ARHGEF10: variants seen among roughly 807,000 people sequenced by gnomAD.
ARHGEF10 encodes the protein Rho guanine nucleotide exchange factor 10.
In ARHGEF10, 140 loss-of-function variants were observed where a neutral mutation model predicts 147.4. That is an observed-to-expected ratio of 0.95 (90% CI 0.83 to 1.09). The LOEUF is 1.09. ARHGEF10 is among the 50% of genes least tolerant of loss of function. The pLI is 0.00. For missense variants in ARHGEF10, 2,222 were observed against 1,752.7 expected, an observed-to-expected ratio of 1.27 and a Z score of -4.78; for synonymous variants, 902 against 695.8, an observed-to-expected ratio of 1.30 and a Z score of -4.67.
rs3779693 is a variant in ARHGEF10, at chr8:1,877,163, G to A, written c.843+429G>A. Among the ~76,000 whole-genome samples, 802 of 152,326 alleles carry A rather than the reference G, an allele frequency of 5.3e-3. 47 individuals carry two copies. In the East Asian group the frequency reaches 0.12, roughly 24 times the overall value. ...TTAGCATGTTCAGCATGAAAAGGAAGACGTAAAAATAGAAGATGTTAAGGG... is the reference window on the plus strand; with the variant it reads ...TTAGCATGTTCAGCATGAAAAGGAAAACGTAAAAATAGAAGATGTTAAGGG... On this transcript the variant is annotated intron_variant, in intron 8 of 28. Transcript: ENST00000349830.
At position 1,903,296 on chromosome 8, in the gene ARHGEF10, A is replaced by C; in HGVS notation, c.1666A>C (p.Thr556Pro). The C allele has an allele frequency of 6.2e-7, 1 of 1,614,016 alleles. No homozygotes were observed. The highest frequency in any genetic ancestry group is 8.5e-7 in the Non-Finnish European group (1 of 1,180,020). The change falls in exon 16 of 29, where the codon ACC becomes CCC. Residue 556 changes from threonine to proline, a missense_variant. By Grantham distance (38) the Thr-to-Pro change is conservative. Transcript: ENST00000349830. ...ILLLQDMLKN[T>P]SKGHPDRLPL... ...TTGCTTGTAGGACATGCTGAAGAACACCTCCAAAGGCCACCCCGACAGGCT... is the reference window on the plus strand; with the variant it reads ...TTGCTTGTAGGACATGCTGAAGAACCCCTCCAAAGGCCACCCCGACAGGCT...
At chr8:1,945,910 G>GAGCCGCGTGCTGGGAGA (rs1440477453) in intron 27 of ARHGEF10, 1 of 616,330 alleles carries the variant, frequency 1.6e-6, no homozygotes, top group Non-Finnish European at 2.9e-6. Flanking sequence ...GTGCTGGGAG[G>GAGCCGCGTGCTGGGAGA]AGCCGCGTGG....
chr8:1,942,714 C>A (rs878896641), intron 26 of ARHGEF10, among the ~76,000 whole-genome samples: 1 of 152,146 alleles, frequency 6.6e-6, no homozygotes, highest in Non-Finnish European at 1.5e-5. Context: ...AATGGACAAA[C>A]AGAATGTGGT....
chr8:1,839,756 G>C (rs1269138686), intron 1 of ARHGEF10, among the ~76,000 whole-genome samples: 1 of 148,390 alleles, frequency 6.7e-6, no homozygotes, highest in African/African-American at 2.5e-5. Flanking sequence ...TGTGGAAGCT[G>C]TCTGGTGTGG....
chr8:1,956,626 A>T (rs1261081388), intron 28 of ARHGEF10, 123 bp from the exon 29 acceptor site: 1 of 971,560 alleles, frequency 1.0e-6, no homozygotes, highest in Non-Finnish European at 1.6e-6. Context: ...TATGCAAGTT[A>T]CTTACAGGCT....
At chr8:1,940,961 G>A (rs1463972499) in intron 26 of ARHGEF10, among the ~76,000 whole-genome samples, 2 of 152,180 alleles carry the variant, frequency 1.3e-5, no homozygotes, top group African/African-American at 2.4e-5. Context: ...AGACTAGAAG[G>A]TGATTTTTCC....
chr8:1,871,652 T>C lies in ARHGEF10; in HGVS notation c.679+2402T>C, dbSNP rs145474735. 5.9e-3 allele frequency among the ~76,000 whole-genome samples: 898 copies of C among 152,248 alleles called. 60 individuals are homozygous for C. In the East Asian group the frequency reaches 0.14, roughly 24 times the overall value. On this transcript the variant is annotated intron_variant, in intron 7 of 28. Coordinates refer to ENST00000349830, the MANE Select transcript of ARHGEF10 (RefSeq NM_014629.4). The stretch of plus-strand genomic sequence containing the variant: ...GGCCAAGATGGTGAAACCCCATCTC[T>C]ACTAAAAGTACAAAAATTAGCCGGG...
At chr8:1,945,407 C>T (rs985839582) in intron 26 of ARHGEF10, 74 bp from the exon 27 acceptor site, 216 of 1,529,230 alleles carry the variant, frequency 1.4e-4, no homozygotes, top group Non-Finnish European at 1.7e-4. Flanking sequence ...TCCAGCTGGA[C>T]GCCACGTGGA....
chr8:1,859,590 T>C (rs7007884), intron 3 of ARHGEF10, among the ~76,000 whole-genome samples: 44,957 of 152,100 alleles, frequency 0.3, 6,811 homozygotes, highest in South Asian at 0.44. Context: ...TTTCTTTGTG[T>C]GTAGCACCAG....
In ARHGEF10 at chr8:1,916,495, C is replaced by T. The variant is rs117171866; in HGVS notation, c.2144-6469C>T. Among the ~76,000 whole-genome samples, 938 of 152,238 alleles carry T rather than the reference C, an allele frequency of 6.2e-3. 4 individuals carry two copies. Among genetic ancestry groups the T allele is most frequent in the Middle Eastern group, 0.024 (7 of 294 alleles). On this transcript the variant is annotated intron_variant, in intron 18 of 28. Coordinates refer to ENST00000349830, the MANE Select transcript of ARHGEF10 (RefSeq NM_014629.4). ...TAAAAACCAAACTGGATTTTAGTCA[C>T]GGGGGAGAATTCTTATTGTTCTTCT...
At chr8:1,898,578 T>G in intron 15 of ARHGEF10, 53 bp downstream of exon 15, 3 of 1,559,602 alleles carry the variant, frequency 1.9e-6, no homozygotes, top group Non-Finnish European at 2.6e-6. Flanking sequence ...CGCCCATGAC[T>G]CATTTGAAAA....
At position 1,923,858 on chromosome 8, in the gene ARHGEF10, G is replaced by T; in HGVS notation, c.2472G>T (p.Met824Ile). 1 of 1,614,144 alleles carries T rather than the reference G, an allele frequency of 6.2e-7. No homozygotes were observed. The change falls in exon 21 of 29, where the codon ATG becomes ATT. Residue 824 changes from methionine (M) to isoleucine (I), a missense_variant. Transcript: ENST00000349830. ...AGTCCTGGGTCAACAGCTTACAGAT[G>T]GCCAAGCTCGCCCTAGGTAAGGCCT... ...IKESWVNSLQ[M>I]AKLALEEENH... is the part of the protein sequence containing the mutation.
chr8:1,954,894 T>C (rs1186200871), intron 28 of ARHGEF10, among the ~76,000 whole-genome samples: 1 of 152,246 alleles, frequency 6.6e-6, no homozygotes, highest in Non-Finnish European at 1.5e-5. Context: ...TGCTTTCCTC[T>C]CCCTGCCTGC....
chr8:1,868,757 G>T (rs1317656283), intron 6 of ARHGEF10, among the ~76,000 whole-genome samples: 3 of 152,178 alleles, frequency 2.0e-5, no homozygotes, highest in African/African-American at 7.2e-5. Context: ...ATTTCTGGAA[G>T]TCTGTGTGCC....
intron 18 of ARHGEF10, among the ~76,000 whole-genome samples, chr8:1,919,330 GCTGTTCTGTGGGTAATAAA>G (rs931092907): frequency 1.3e-5 from 2 of 149,852 alleles, no homozygotes; most frequent in African/African-American, 2.5e-5. Flanking sequence ...CAGTGATGGA[GCTGTTCTGTGGGTAATAAA>G]CTGTTCTGTC....
chr8:1,866,049 A>G (rs1806580143), intron 5 of ARHGEF10, among the ~76,000 whole-genome samples: 1 of 151,974 alleles, frequency 6.6e-6, no homozygotes, highest in Admixed American at 6.5e-5. Flanking sequence ...CTGGTGGCCC[A>G]TGTGACCACC....
At chr8:1,857,575 A>C (rs925174493) in intron 2 of ARHGEF10, among the ~76,000 whole-genome samples, 2 of 151,550 alleles carry the variant, frequency 1.3e-5, no homozygotes, top group African/African-American at 4.8e-5. Context: ...GCCCGCCAAC[A>C]CGCCTGGCTA....
At chr8:1,951,584 T>A (rs1193569828) in intron 27 of ARHGEF10, among the ~76,000 whole-genome samples, 1 of 152,264 alleles carries the variant, frequency 6.6e-6, no homozygotes, top group African/African-American at 2.4e-5. Context: ...TTTCATGCTC[T>A]TTATCAGAGA....
chr8:1,941,198 T>G (rs1814063900), intron 26 of ARHGEF10, among the ~76,000 whole-genome samples: 1 of 152,218 alleles, frequency 6.6e-6, no homozygotes, highest in South Asian at 2.1e-4. Context: ...GATATCCTCT[T>G]GTATGTAGAA....
Sources: allele counts gnomAD v4.1 joint callset (sites outside exome capture counted in the v4.1 genomes callset), GRCh38; gene constraint gnomAD v4.1.1; transcripts MANE v1.5; gene names NCBI Gene and HGNC (gene_info 2026-07-23, HGNC 2026-07-21).